Variants in ODAD1 observed in about 807,000 individuals in gnomAD.
ODAD1 encodes the protein outer dynein arm docking complex subunit 1, also known as outer dynein arm-docking complex subunit 1.
Under a neutral mutation model 67.2 loss-of-function variants are expected in ODAD1, and 49 were observed. The ratio of observed to expected loss-of-function variants is 0.73; its 90% CI spans 0.58 to 0.92. ODAD1 has a LOEUF of 0.92. Ranked by LOEUF, ODAD1 falls within the 40% of genes least tolerant of loss-of-function variation. The pLI is 0.00. For synonymous variants in ODAD1, 345 were observed against 393.7 expected, an observed-to-expected ratio of 0.88 and a Z score of 1.46; for missense variants, 897 against 953.7, an observed-to-expected ratio of 0.94 and a Z score of 0.78.
intron 10 of ODAD1, chr19:48,303,383 G>T: frequency 1.6e-6 from 1 of 606,534 alleles, no homozygotes; most frequent in South Asian, 2.0e-5. Flanking sequence ...GGTAGATATG[G>T]GTAAGGAGAG....
At chr19:48,305,951 C>T (rs9646645) in intron 8 of ODAD1, among the ~76,000 whole-genome samples, 2 of 151,748 alleles carry the variant, frequency 1.3e-5, no homozygotes, top group Non-Finnish European at 1.5e-5. Flanking sequence ...CCCAGCTACT[C>T]GGGAGGCTGA....
At chr19:48,320,487 G>T in intron 2 of ODAD1, 96 bp from the exon 3 acceptor site, 1 of 638,504 alleles carries the variant, frequency 1.6e-6, no homozygotes, top group Non-Finnish European at 2.3e-6. Flanking sequence ...AATTGAAAGG[G>T]GGTGACCCTA....
intron 7 of ODAD1, among the ~76,000 whole-genome samples, chr19:48,309,933 G>A (rs1049495675): frequency 6.6e-6 from 1 of 152,128 alleles, no homozygotes; most frequent in Non-Finnish European, 1.5e-5. Flanking sequence ...GTCTAATCAT[G>A]AAGAAAGATC....
At chr19:48,302,167 T>C (rs539237747) in intron 12 of ODAD1, among the ~76,000 whole-genome samples, 79 of 146,974 alleles carry the variant, frequency 5.4e-4, no homozygotes, top group Non-Finnish European at 1.1e-3. Flanking sequence ...GATGGGTAGA[T>C]AGATATAGAA....
At position 48,318,701 on chromosome 19, in the gene ODAD1, C is replaced by G; in HGVS notation, c.170+12G>C. On this transcript the variant is annotated intron_variant, in intron 4 of 15. Coordinates refer to ENST00000674294, the MANE Select transcript of ODAD1 (RefSeq NM_001364171.2). ...CCTCCTCCCCAGCTCAGGGCCCAGG[C>G]GCCCAGCTCACAGTTGCTTGTTGAT... The G allele has an allele frequency of 2.6e-6, 4 of 1,542,064 alleles. No homozygotes were observed. Among genetic ancestry groups the G allele is most frequent in the Non-Finnish European group, 3.5e-6 (4 of 1,138,348 alleles).
At chr19:48,304,678 C>T (rs1390447149) in intron 8 of ODAD1, among the ~76,000 whole-genome samples, 2 of 151,658 alleles carry the variant, frequency 1.3e-5, no homozygotes, top group Non-Finnish European at 2.9e-5. Context: ...ATTAGAAACA[C>T]AACACAAAAC....
Position 48,312,020 on chromosome 19 carries a change from T to C in ODAD1, c.457A>G (p.Arg153Gly). The change falls in exon 6 of 16, where the codon AGG becomes GGG. Residue 153 changes from arginine to glycine, a missense_variant. Coordinates refer to ENST00000674294, the MANE Select transcript of ODAD1 (RefSeq NM_001364171.2). Reference sequence around the variant, plus strand: ...CTGTCCAACTGGTTTTCTAGGATCCTGATCCTTCGCCTGATCTTGACCTTC... The same window carrying C: ...CTGTCCAACTGGTTTTCTAGGATCCCGATCCTTCGCCTGATCTTGACCTTC... The part of the protein sequence containing the change: ...DQKVKIRRRI[R>G]ILENQLDRVT... The C allele has an allele frequency of 4.5e-6, 7 of 1,550,852 alleles. No homozygotes were observed. The highest frequency in any genetic ancestry group is 6.1e-6 in the Non-Finnish European group (7 of 1,146,198).
rs550293111 is a variant in ODAD1 at position 48,313,433 on chromosome 19, AAAAAAAAAAAAAACC to A, written c.361-1332_361-1318del. On this transcript the variant is annotated intron_variant, in intron 5 of 15. Transcript: ENST00000674294. ...CAGAACAAGACTCCATCTCAAAAAA[AAAAAAAAAAAAAACC>A]AAAAAAAAACCTCACATGTTGAAGT... Among the ~76,000 whole-genome samples the A allele has an allele frequency of 8.8e-3, 1,171 of 133,318 alleles. 28 individuals are homozygous for A. Among genetic ancestry groups the A allele is most frequent in the African/African-American group, 0.033 (1,118 of 34,380 alleles). The allele number at this position is 133,318 out of a possible 152,430, so 87.5% of individuals were successfully genotyped here. A position where few individuals can be genotyped will look rare whatever the true frequency, so the allele number is the denominator to read the frequency against.
At chr19:48,318,855 C>G in intron 3 of ODAD1, 43 bp from the exon 4 acceptor site, 1 of 1,278,002 alleles carries the variant, frequency 7.8e-7, no homozygotes, top group Non-Finnish European at 1.1e-6. Context: ...GGATCCTGGC[C>G]ACCAGCTCCT....
intron 14 of ODAD1, 145 bp from the exon 15 acceptor site, chr19:48,297,813 C>T: frequency 1.1e-6 from 1 of 884,960 alleles, no homozygotes; most frequent in Non-Finnish European, 1.7e-6. Flanking sequence ...GGGCCCCATC[C>T]TCCCACACAG....
At position 48,296,667 on chromosome 19, in the gene ODAD1, G is replaced by T. The variant is rs1968289009; in HGVS notation, c.*309C>A. 1.2e-6 allele frequency: 1 copy of T among 805,030 alleles called. No individual in the cohort carries two copies. Among genetic ancestry groups the T allele is most frequent in the Non-Finnish European group, 1.6e-6 (1 of 611,424 alleles). 49.9% of individuals were successfully genotyped at this position (805,030 alleles called of 1,614,324 possible). ...AACAGGAGGTGGGGGATCCACAGGGGGCCAGGGCTCAGCAGACAGGGAAGG... is the reference window on the plus strand; with the variant it reads ...AACAGGAGGTGGGGGATCCACAGGGTGCCAGGGCTCAGCAGACAGGGAAGG... On this transcript the variant is annotated 3_prime_UTR_variant, in exon 16 of 16. Coordinates refer to ENST00000674294, the MANE Select transcript of ODAD1 (RefSeq NM_001364171.2).
At position 48,311,657 on chromosome 19, in the gene ODAD1, G is replaced by A; in HGVS notation, c.493C>T (p.His165Tyr). 6.5e-7 allele frequency: 1 copy of A among 1,545,932 alleles called. No individual in the cohort carries two copies. Among genetic ancestry groups the A allele is most frequent in the Non-Finnish European group, 8.8e-7 (1 of 1,141,720 alleles). ...LENQLDRVTC[H>Y]FDNQLVRNAA... is the part of the protein sequence containing the mutation. ...TTCCGTACCAGCTGGTTGTCAAAGT[G>A]ACAGGTGACCTGGGAGTAGAAAGGT... The change falls in exon 7 of 16, where the codon CAC (histidine) becomes TAC (tyrosine). Residue 165 changes from histidine (H) to tyrosine (Y), a missense_variant. His to Tyr is a moderately conservative substitution (Grantham distance 83, BLOSUM62 2). Coordinates refer to ENST00000674294, the MANE Select transcript of ODAD1 (RefSeq NM_001364171.2).
Position 48,306,288 on chromosome 19 carries a change from A to G in ODAD1, c.633T>C (p.Leu211=). ...IHHLHHLVST[L]ILSSTSAYAV... ...CGTAGGCAGAGGTGGAGGAGAGGAT[A>G]AGGGTGCTGACCAGGTGATGCAGGT... is the stretch of plus-strand genomic sequence containing the variant. Residue 211 remains leucine (L), a synonymous_variant, in exon 8 of 16, where the codon CTT becomes CTC. Coordinates refer to ENST00000674294, the MANE Select transcript of ODAD1 (RefSeq NM_001364171.2). 1.3e-6 allele frequency: 2 copies of G among 1,551,454 alleles called. No individual in the cohort carries two copies. The highest frequency in any genetic ancestry group is 1.2e-5 in the South Asian group (1 of 84,036).
At chr19:48,310,645 CAAT>C (rs1234913884) in intron 7 of ODAD1, among the ~76,000 whole-genome samples, 1 of 152,084 alleles carries the variant, frequency 6.6e-6, no homozygotes, top group Admixed American at 6.6e-5. Flanking sequence ...CTCAGCAAAA[CAAT>C]AATTACACAC....
chr19:48,308,562 A>G (rs1968678165), intron 7 of ODAD1, among the ~76,000 whole-genome samples: 3 of 152,244 alleles, frequency 2.0e-5, no homozygotes, highest in Admixed American at 2.0e-4. Context: ...CAGCCATTAC[A>G]GTAATAACCA....
chr19:48,317,510 C>T (rs759459100), intron 5 of ODAD1, among the ~76,000 whole-genome samples: 1 of 152,130 alleles, frequency 6.6e-6, no homozygotes, highest in East Asian at 1.9e-4. Context: ...TCACAGAGCT[C>T]CGATGGCAGA....
At chr19:48,306,022 G>T in intron 8 of ODAD1, 1 of 182,998 alleles carries the variant, frequency 5.5e-6, no homozygotes, top group Non-Finnish European at 1.0e-5. Context: ...TAGCGCAACT[G>T]CACTGTAGCC....
At chr19:48,303,246 A>G in intron 10 of ODAD1, 151 bp from the exon 11 acceptor site, 3 of 673,780 alleles carry the variant, frequency 4.5e-6, no homozygotes, top group South Asian at 3.4e-5. Flanking sequence ...AACAGAGAGG[A>G]GTCACAGAGA....
At chr19:48,303,514 G>T in intron 10 of ODAD1, 136 bp downstream of exon 10, 2 of 1,093,434 alleles carry the variant, frequency 1.8e-6, no homozygotes, top group Non-Finnish European at 2.6e-6. Context: ...CGCGGGCGGC[G>T]GGTCCCAGGC....
Sources: gnomAD v4.1 joint callset for allele counts (sites outside exome capture counted in the v4.1 genomes callset) on GRCh38, gnomAD v4.1.1 for gene constraint, MANE v1.5 for transcripts, NCBI Gene and HGNC (gene_info 2026-07-23, HGNC 2026-07-21) for gene names.